LINGO2: variants seen among roughly 807,000 people sequenced by gnomAD.
LINGO2 encodes the protein leucine rich repeat and Ig domain containing 2.
LINGO2 carries 14 observed loss-of-function variants against 30.6 expected under a neutral mutation model. That is an observed-to-expected ratio of 0.46 (90% confidence interval 0.30 to 0.72). LINGO2 has a LOEUF of 0.72. LINGO2 is among the 30% of genes least tolerant of loss of function. LINGO2 has a pLI of 0.07. For synonymous variants in LINGO2, 317 were observed against 288.5 expected (o/e 1.10, Z -1.00); for missense variants, 729 against 751.7 (o/e 0.97, Z 0.35).
intron 1 of LINGO2, among the ~76,000 whole-genome samples, chr9:28,665,235 C>T (rs998411928): frequency 7.9e-5 from 12 of 151,676 alleles, no homozygotes; most frequent in Admixed American, 7.9e-4. Flanking sequence ...GAGAAAAATG[C>T]AGTGGCAACC....
intron 5 of LINGO2, among the ~76,000 whole-genome samples, chr9:27,994,748 C>T (rs1821572061): frequency 6.6e-6 from 1 of 152,094 alleles, no homozygotes; most frequent in African/African-American, 2.4e-5. Context: ...CCTACAAAAG[C>T]CTGAGACAGG....
chr9:28,646,869 A>T (rs1039254572), intron 1 of LINGO2, among the ~76,000 whole-genome samples: 1 of 152,156 alleles, frequency 6.6e-6, no homozygotes, highest in Non-Finnish European at 1.5e-5. Context: ...TCTAATTGAT[A>T]CTTTAGTGTT....
chr9:28,708,942 T>C, the LINGO2 span, among the ~76,000 whole-genome samples: 2 of 152,172 alleles, frequency 1.3e-5, 1 homozygote, highest in South Asian at 4.1e-4. Flanking sequence ...ACAAACAATG[T>C]ATCTTTGTCA....
chr9:28,618,822 T>C (rs1249583887), intron 1 of LINGO2, among the ~76,000 whole-genome samples: 1 of 152,168 alleles, frequency 6.6e-6, no homozygotes, highest in Admixed American at 6.5e-5. Flanking sequence ...ATACTTTCTG[T>C]ATCTGGCACA....
chr9:29,155,701 C>A, the LINGO2 span, among the ~76,000 whole-genome samples: 2 of 151,572 alleles, frequency 1.3e-5, no homozygotes, highest in Non-Finnish European at 2.9e-5. Context: ...ATATTTAGTA[C>A]AAAATTAGCT....
At chr9:28,958,154 T>C in the LINGO2 span, among the ~76,000 whole-genome samples, 1 of 152,142 alleles carries the variant, frequency 6.6e-6, no homozygotes, top group Admixed American at 6.6e-5. Context: ...TTAAGACTCA[T>C]GTCATAGACT....
intron 4 of LINGO2, among the ~76,000 whole-genome samples, chr9:28,059,073 A>T (rs557687021): frequency 7.9e-5 from 12 of 152,188 alleles, no homozygotes; most frequent in Admixed American, 7.9e-4. Flanking sequence ...GTTGGGAAAA[A>T]GCTGAGTGTT....
intron 2 of LINGO2, among the ~76,000 whole-genome samples, chr9:28,393,750 G>A (rs1037647216): frequency 6.6e-5 from 10 of 152,176 alleles, no homozygotes; most frequent in Non-Finnish European, 1.3e-4. Flanking sequence ...TCTGCTCGAT[G>A]TCTTTCTTCA....
At chr9:29,091,201 G>A in the LINGO2 span, among the ~76,000 whole-genome samples, 1 of 151,982 alleles carries the variant, frequency 6.6e-6, no homozygotes, top group African/African-American at 2.4e-5. Flanking sequence ...TATTGTAAGG[G>A]AAAAGTAAAA....
intron 5 of LINGO2, among the ~76,000 whole-genome samples, chr9:27,994,154 A>C (rs947683066): frequency 6.6e-6 from 1 of 152,084 alleles, no homozygotes; most frequent in African/African-American, 2.4e-5. Flanking sequence ...CAAAAGTAGT[A>C]CTAAACGGAA....
rs1438815702 is a variant in LINGO2, at chr9:28,632,869, T to G, written c.-365+37331A>C. On this transcript the variant is annotated intron_variant, in intron 1 of 5. Transcript: ENST00000379992. ...TATATATATTTTTTATATATATATATATATATATATGTAGAGAGAGAGAGA... is the reference window on the plus strand; with the variant it reads ...TATATATATTTTTTATATATATATAGATATATATATGTAGAGAGAGAGAGA... 1.2e-3 allele frequency among the ~76,000 whole-genome samples: 130 copies of G among 110,976 alleles called. 1 individual carries two copies. Among genetic ancestry groups the G allele is most frequent in the South Asian group, 4.4e-3 (16 of 3,634 alleles). The allele number at this position is 110,976 out of a possible 152,430, so 72.8% of individuals were successfully genotyped here. A position where few individuals can be genotyped will look rare whatever the true frequency, so the allele number is the denominator to read the frequency against.
At chr9:28,615,562 T>C (rs911946377) in intron 1 of LINGO2, among the ~76,000 whole-genome samples, 1 of 152,080 alleles carries the variant, frequency 6.6e-6, no homozygotes, top group African/African-American at 2.4e-5. Context: ...TTATTATAAA[T>C]AATTAACAAC....
At chr9:28,210,654 T>A (rs1820557065) in intron 4 of LINGO2, among the ~76,000 whole-genome samples, 1 of 151,680 alleles carries the variant, frequency 6.6e-6, no homozygotes, top group Admixed American at 6.6e-5. Context: ...TGTAAATTTG[T>A]GTTTTATGTA....
At chr9:28,621,213 G>A (rs2135825939) in intron 1 of LINGO2, among the ~76,000 whole-genome samples, 1 of 151,756 alleles carries the variant, frequency 6.6e-6, no homozygotes, top group African/African-American at 2.4e-5. Context: ...TACATAGATA[G>A]GAATAACAAT....
intron 1 of LINGO2, among the ~76,000 whole-genome samples, chr9:28,548,184 C>A (rs1178436111): frequency 1.3e-5 from 2 of 151,976 alleles, no homozygotes; most frequent in African/African-American, 2.4e-5. Context: ...ACTCAAATAT[C>A]AACTTTATAT....
At chr9:28,603,438 A>G (rs1825572595) in intron 1 of LINGO2, among the ~76,000 whole-genome samples, 1 of 151,998 alleles carries the variant, frequency 6.6e-6, no homozygotes, top group Admixed American at 6.6e-5. Flanking sequence ...TTAATTTTCA[A>G]AAAAAAGTTG....
chr9:28,033,615 T>C (rs1262988505), intron 4 of LINGO2, among the ~76,000 whole-genome samples: 1 of 152,202 alleles, frequency 6.6e-6, no homozygotes, highest in East Asian at 1.9e-4. Flanking sequence ...CCTAGTTTTT[T>C]TATATTTTGA....
intron 5 of LINGO2, among the ~76,000 whole-genome samples, chr9:27,973,538 C>T (rs1037454952): frequency 4.6e-5 from 7 of 152,142 alleles, no homozygotes; most frequent in Admixed American, 1.3e-4. Context: ...AACTGAAGCT[C>T]TAAAACATTT....
intron 4 of LINGO2, among the ~76,000 whole-genome samples, chr9:28,086,392 C>G (rs1035680838): frequency 1.3e-5 from 2 of 152,068 alleles, no homozygotes; most frequent in African/African-American, 4.8e-5. Context: ...GAGATATAAT[C>G]TTTACAAGAT....
Sources: allele counts gnomAD v4.1 joint callset (sites outside exome capture counted in the v4.1 genomes callset), GRCh38; gene constraint gnomAD v4.1.1; transcripts MANE v1.5; gene names NCBI Gene and HGNC (gene_info 2026-07-23, HGNC 2026-07-21).